Variants in TBC1D32 observed in about 807,000 individuals in gnomAD.
The protein encoded by TBC1D32 is TBC1 domain family member 32.
Under a neutral mutation model 170.3 loss-of-function variants are expected in TBC1D32, and 151 were observed. That is an observed-to-expected ratio of 0.89 (90% CI 0.78 to 1.01). The LOEUF (loss-of-function observed/expected upper bound fraction) is 1.01, where lower values mean the gene tolerates loss of function less well. Among genes scored for constraint, TBC1D32 ranks in the 50% least tolerant of loss-of-function variants. The pLI, the probability that TBC1D32 is intolerant of heterozygous loss-of-function variation, is 0.00. For missense variants in TBC1D32, 1,464 were observed against 1,457.1 expected (o/e 1.00, Z -0.08); for synonymous variants, 498 against 488.0 (o/e 1.02, Z -0.27).
At chr6:121,137,123 C>T (rs1782179705) in intron 24 of TBC1D32, among the ~76,000 whole-genome samples, 1 of 151,926 alleles carries the variant, frequency 6.6e-6, no homozygotes, top group Admixed American at 6.6e-5. Flanking sequence ...ATACAGGCTC[C>T]TGTAATGAAA....
intron 10 of TBC1D32, among the ~76,000 whole-genome samples, 161 bp downstream of exon 10, chr6:121,299,285 C>A (rs1014995353): frequency 1.3e-5 from 2 of 151,988 alleles, no homozygotes; most frequent in Admixed American, 6.6e-5. Flanking sequence ...ATTTTTATCC[C>A]TTTATGTGTC....
chr6:121,089,051 GA>G (rs1220305666), intron 31 of TBC1D32, among the ~76,000 whole-genome samples: 1 of 152,114 alleles, frequency 6.6e-6, no homozygotes, highest in Non-Finnish European at 1.5e-5. Context: ...TTGATAGGAA[GA>G]AAAATAAGTG....
At chr6:121,149,645 T>C (rs1172051414) in intron 24 of TBC1D32, among the ~76,000 whole-genome samples, 1 of 152,180 alleles carries the variant, frequency 6.6e-6, no homozygotes, top group African/African-American at 2.4e-5. Context: ...TACCATGCTG[T>C]TTCAGTTACT....
chr6:121,125,780 C>T (rs1328335013), intron 26 of TBC1D32, among the ~76,000 whole-genome samples: 1 of 152,184 alleles, frequency 6.6e-6, no homozygotes, highest in Admixed American at 6.5e-5. Flanking sequence ...CAGAGGTGTA[C>T]ATGTCACCCA....
chr6:121,217,837 A>G (rs1285763720), intron 21 of TBC1D32, among the ~76,000 whole-genome samples: 2 of 152,188 alleles, frequency 1.3e-5, no homozygotes, highest in African/African-American at 4.8e-5. Flanking sequence ...AAACAAGATC[A>G]AGGTGTTAGG....
chr6:121,292,402 C>T (rs902221698), intron 11 of TBC1D32, among the ~76,000 whole-genome samples: 6 of 152,062 alleles, frequency 3.9e-5, no homozygotes, highest in Non-Finnish European at 7.4e-5. Context: ...AAAAAGCAGC[C>T]TCAGAAAAGA....
In TBC1D32 at chr6:121,299,455, A is replaced by G. The variant is rs372200890; in HGVS notation, c.1131T>C (p.Tyr377=). ...TTVLRLLETK[Y]KSLVTTAIQQ... ...AGAATTACAGACTTACCAGAGACTT[A>G]TATTTCGTTTCAAGAAGTCTTAATA... Residue 377 remains tyrosine (Y), a synonymous_variant, in exon 10 of 32, where the codon TAT becomes TAC. Coordinates refer to ENST00000398212, the MANE Select transcript of TBC1D32 (RefSeq NM_152730.6). 27 of 1,506,838 alleles carry G rather than the reference A, an allele frequency of 1.8e-5. No homozygotes were observed. The highest frequency in any genetic ancestry group is 1.8e-4 in the Middle Eastern group (1 of 5,690). 93.3% of individuals were successfully genotyped at this position (1,506,838 alleles called of 1,614,324 possible).
At chr6:121,262,323 T>A (rs1799866423) in intron 15 of TBC1D32, among the ~76,000 whole-genome samples, 1 of 151,706 alleles carries the variant, frequency 6.6e-6, no homozygotes, top group South Asian at 2.1e-4. Context: ...AGACACATAA[T>A]CATCAGATTC....
chr6:121,202,000 G>A (rs535160982), intron 22 of TBC1D32, among the ~76,000 whole-genome samples: 12 of 151,182 alleles, frequency 7.9e-5, no homozygotes, highest in Admixed American at 7.9e-4. Context: ...TGTAGAAGGA[G>A]GTTTGGGAGA....
At chr6:121,309,083 A>G (rs1257908255) in intron 4 of TBC1D32, among the ~76,000 whole-genome samples, 1 of 152,180 alleles carries the variant, frequency 6.6e-6, no homozygotes, top group Non-Finnish European at 1.5e-5. Context: ...CAAAATAGAC[A>G]AAGAATATAC....
chr6:121,314,901 T>TA (rs1343433352), intron 3 of TBC1D32, among the ~76,000 whole-genome samples: 2 of 152,212 alleles, frequency 1.3e-5, no homozygotes, highest in Non-Finnish European at 2.9e-5. Flanking sequence ...AGCTAACCTG[T>TA]ATAAAGCAGT....
chr6:121,279,760 T>A (rs1481257500), intron 14 of TBC1D32, among the ~76,000 whole-genome samples: 2 of 152,000 alleles, frequency 1.3e-5, no homozygotes, highest in African/African-American at 4.8e-5. Context: ...AAACAAAGAC[T>A]GAACTAACCA....
intron 9 of TBC1D32, among the ~76,000 whole-genome samples, chr6:121,301,286 A>G (rs530917784): frequency 7.9e-5 from 12 of 152,310 alleles, no homozygotes; most frequent in Non-Finnish European, 1.5e-4. Context: ...ACTTGGAACC[A>G]ACCCAAATGC....
intron 12 of TBC1D32, among the ~76,000 whole-genome samples, chr6:121,285,677 G>A (rs1470550229): frequency 6.6e-6 from 1 of 152,174 alleles, no homozygotes; most frequent in Non-Finnish European, 1.5e-5. Flanking sequence ...TCTGAGAACT[G>A]ACAGACTGCC....
chr6:121,321,747 C>G lies in TBC1D32; in HGVS notation c.203G>C (p.Gly68Ala). The stretch of plus-strand genomic sequence containing the variant: ...TTCCATTTCTTCTTCAATCATAGAA[C>G]CCAAAGTGTTGCCTATATGCTGCCT... ...YLRQHIGNTL[G>A]SMIEEEMEKC... Residue 68 changes from glycine to alanine, a missense_variant, in exon 2 of 32, where the codon GGT becomes GCT. By Grantham distance (60) the Gly-to-Ala change is moderately conservative. This residue lies in a region of TBC1D32 where 1,363 missense variants were observed against 1,338.1 expected (regional missense o/e 1.02). Transcript: ENST00000398212. 6.2e-7 allele frequency: 1 copy of G among 1,613,848 alleles called. No homozygotes were observed. The highest frequency in any genetic ancestry group is 1.1e-5 in the South Asian group (1 of 91,056).
chr6:121,239,904 G>C (rs1428469251), intron 19 of TBC1D32, among the ~76,000 whole-genome samples: 1 of 151,962 alleles, frequency 6.6e-6, no homozygotes, highest in Non-Finnish European at 1.5e-5. Flanking sequence ...AGGGTCTTCT[G>C]GTATGAGAGA....
chr6:121,238,792 G>A (rs1055694973), intron 20 of TBC1D32, among the ~76,000 whole-genome samples: 1 of 151,170 alleles, frequency 6.6e-6, no homozygotes, highest in African/African-American at 2.4e-5. Flanking sequence ...TAACATGTCT[G>A]GTACATTATT....
chr6:121,137,306 T>C (rs1782206380), intron 24 of TBC1D32, among the ~76,000 whole-genome samples: 1 of 152,040 alleles, frequency 6.6e-6, no homozygotes, highest in African/African-American at 2.4e-5. Context: ...GATGTCTCAG[T>C]ATATCCATTC....
intron 30 of TBC1D32, among the ~76,000 whole-genome samples, chr6:121,099,805 A>G (rs915886534): frequency 1.7e-4 from 26 of 151,962 alleles, no homozygotes; most frequent in African/African-American, 6.0e-4. Context: ...GAATAGCATT[A>G]CTGTTTCAAA....
Sources: gnomAD v4.1 joint callset for allele counts (sites outside exome capture counted in the v4.1 genomes callset) on GRCh38, gnomAD v4.1.1 for gene constraint, gnomAD v4.1.1 regional missense constraint, MANE v1.5 for transcripts, NCBI Gene and HGNC (gene_info 2026-07-23, HGNC 2026-07-21) for gene names.